PLEKHA5: variants seen among roughly 807,000 people sequenced by gnomAD.
PLEKHA5 encodes the protein pleckstrin homology domain containing A5.
In PLEKHA5, 55 loss-of-function variants were observed where a neutral mutation model predicts 181.9. The ratio of observed to expected loss-of-function variants is 0.30; its 90% CI spans 0.24 to 0.38. The LOEUF is 0.38. Among genes scored for constraint, PLEKHA5 ranks in the 10% least tolerant of loss-of-function variants. The probability of loss-of-function intolerance (pLI) is 1.00; values close to 1 mark genes in which losing one functional copy is unlikely to be tolerated. For synonymous variants in PLEKHA5, 535 were observed against 529.4 expected, an observed-to-expected ratio of 1.01 and a Z score of -0.15; for missense variants, 1,432 against 1,549.5, an observed-to-expected ratio of 0.92 and a Z score of 1.27.
intron 25 of PLEKHA5, among the ~76,000 whole-genome samples, chr12:19,353,118 CATT>C (rs1337485169): frequency 6.6e-6 from 1 of 151,166 alleles, no homozygotes; most frequent in Non-Finnish European, 1.5e-5. Flanking sequence ...CTGGTGGTAT[CATT>C]GACTGACTTT....
intron 24 of PLEKHA5, among the ~76,000 whole-genome samples, chr12:19,347,651 G>A (rs1242756749): frequency 1.3e-5 from 2 of 152,042 alleles, no homozygotes; most frequent in Admixed American, 6.6e-5. Context: ...TGGGAAATAC[G>A]TTTAGGGTTA....
intron 2 of PLEKHA5, among the ~76,000 whole-genome samples, chr12:19,132,012 A>G (rs1025941317): frequency 3.9e-5 from 6 of 152,108 alleles, no homozygotes; most frequent in South Asian, 2.1e-4. Context: ...AATAGACACA[A>G]TATACCCAAG....
intron 15 of PLEKHA5, chr12:19,307,200 T>C: frequency 6.4e-6 from 4 of 626,138 alleles, no homozygotes; most frequent in Non-Finnish European, 1.2e-5. Flanking sequence ...GGGCCCCACA[T>C]GGTGGCTCAG....
intron 8 of PLEKHA5, among the ~76,000 whole-genome samples, chr12:19,266,372 T>C (rs558837866): frequency 6.6e-6 from 1 of 151,548 alleles, no homozygotes; most frequent in South Asian, 2.1e-4. Context: ...TAGTCCCAGC[T>C]ACTTGGGAGG....
intron 3 of PLEKHA5, among the ~76,000 whole-genome samples, chr12:19,173,712 C>T (rs1366933290): frequency 6.6e-6 from 1 of 152,132 alleles, no homozygotes; most frequent in African/African-American, 2.4e-5. Context: ...TAGGGGATAG[C>T]TTAAGGTGTC....
chr12:19,373,418 C>T (rs1306946216), intron 31 of PLEKHA5: 1 of 151,270 alleles, frequency 6.6e-6, no homozygotes, highest in African/African-American at 2.4e-5. Flanking sequence ...GTGGCCCACA[C>T]CTGTAATCCC....
At chr12:19,344,433 T>C (rs1321546416) in intron 22 of PLEKHA5, among the ~76,000 whole-genome samples, 1 of 152,208 alleles carries the variant, frequency 6.6e-6, no homozygotes, top group African/African-American at 2.4e-5. Flanking sequence ...AACAATGCAG[T>C]GTAAGAATCC....
intron 3 of PLEKHA5, among the ~76,000 whole-genome samples, chr12:19,195,428 G>A (rs2052421207): frequency 6.6e-6 from 1 of 151,876 alleles, no homozygotes; most frequent in Non-Finnish European, 1.5e-5. Flanking sequence ...TAGCACTTTG[G>A]AAGGCCAAGG....
chr12:19,181,154 G>A (rs150217952), intron 3 of PLEKHA5, among the ~76,000 whole-genome samples: 228 of 152,186 alleles, frequency 1.5e-3, no homozygotes, highest in African/African-American at 5.2e-3. Context: ...TAGGTATAAC[G>A]AAATGGAAGA....
chr12:19,207,050 T>C lies in PLEKHA5; in HGVS notation c.228-46890T>C, dbSNP rs112771238. Among the ~76,000 whole-genome samples the C allele has an allele frequency of 8.4e-4, 128 of 152,294 alleles. 2 individuals carry two copies. The highest frequency in any genetic ancestry group is 2.9e-3 in the African/African-American group (119 of 41,564). On this transcript the variant is annotated intron_variant, in intron 3 of 31. Transcript: ENST00000429027. Reference sequence around the variant, plus strand: ...GCTTTTCCGAATTCTATTAAATTTTTTTCAACTAAAATATTTCAAGTGTAT... The same window carrying C: ...GCTTTTCCGAATTCTATTAAATTTTCTTCAACTAAAATATTTCAAGTGTAT...
chr12:19,149,901 GTCAGT>G (rs1305181669), intron 3 of PLEKHA5: 2 of 152,222 alleles, frequency 1.3e-5, no homozygotes, highest in Admixed American at 1.3e-4. Context: ...CAGTCACAAG[GTCAGT>G]TCAGATTCAA....
intron 3 of PLEKHA5, among the ~76,000 whole-genome samples, chr12:19,240,628 AATT>A (rs199758964): frequency 2.0e-5 from 3 of 149,150 alleles, no homozygotes; most frequent in Non-Finnish European, 4.5e-5. Flanking sequence ...TATTATTATT[AATT>A]ATTATTATTA....
At chr12:19,279,934 G>T (rs1288019929) in intron 11 of PLEKHA5, among the ~76,000 whole-genome samples, 1 of 150,688 alleles carries the variant, frequency 6.6e-6, no homozygotes, top group South Asian at 2.1e-4. Context: ...TAGTGTAAAG[G>T]TAACATAATT....
intron 30 of PLEKHA5, 45 bp from the exon 31 acceptor site, chr12:19,369,648 G>A (rs770383001): frequency 3.3e-6 from 4 of 1,201,684 alleles, no homozygotes; most frequent in Non-Finnish European, 4.9e-6. Flanking sequence ...CTCCAAATGT[G>A]TCTTAAAGAT....
chr12:19,251,538 G>A lies in PLEKHA5; in HGVS notation c.228-2402G>A, dbSNP rs1230198939. Among the ~76,000 whole-genome samples the A allele has an allele frequency of 2.0e-5, 3 of 152,098 alleles. No individual in the cohort carries two copies. In the East Asian group the frequency reaches 5.8e-4, roughly 29 times the overall value. ...AGGTGTGTGCAGATATACATTTTGT[G>A]TATTCCTACATGGCTGGGTTTTGTT... On this transcript the variant is annotated intron_variant, in intron 3 of 31. Coordinates refer to ENST00000429027, the MANE Select transcript of PLEKHA5 (RefSeq NM_001256470.2).
At chr12:19,268,539 C>G (rs1024987798) in intron 8 of PLEKHA5, among the ~76,000 whole-genome samples, 1 of 152,182 alleles carries the variant, frequency 6.6e-6, no homozygotes. Flanking sequence ...CTGCTTTACT[C>G]CTAAGTTTGC....
At chr12:19,231,616 A>ATTTATATATGTACACATATATATGTAT in intron 3 of PLEKHA5, among the ~76,000 whole-genome samples, 1 of 147,216 alleles carries the variant, frequency 6.8e-6, no homozygotes, top group South Asian at 2.1e-4. Flanking sequence ...ATATATAAAT[A>ATTTATATATGTACACATATATATGTAT]CTCATAAAGC....
At chr12:19,287,298 C>T (rs893722766) in intron 12 of PLEKHA5, among the ~76,000 whole-genome samples, 175 bp from the exon 13 acceptor site, 1 of 152,206 alleles carries the variant, frequency 6.6e-6, no homozygotes, top group African/African-American at 2.4e-5. Context: ...GCCACCGCAC[C>T]CAGCCCCACA....
chr12:19,361,856 C>T, intron 29 of PLEKHA5, 150 bp downstream of exon 29: 1 of 666,900 alleles, frequency 1.5e-6, no homozygotes, highest in Non-Finnish European at 2.6e-6. Context: ...ACCTCTTAAA[C>T]TACACATTCC....
Sources: gnomAD v4.1 joint callset for allele counts (sites outside exome capture counted in the v4.1 genomes callset) on GRCh38, gnomAD v4.1.1 for gene constraint, MANE v1.5 for transcripts, NCBI Gene and HGNC (gene_info 2026-07-23, HGNC 2026-07-21) for gene names.